Variants in MDGA2 observed in about 807,000 individuals in gnomAD.
The protein encoded by MDGA2 is MAM domain-containing glycosylphosphatidylinositol anchor protein 2.
Under a neutral mutation model 117.8 loss-of-function variants are expected in MDGA2, and 40 were observed. The ratio of observed to expected loss-of-function variants is 0.34; its 90% CI spans 0.26 to 0.44. The LOEUF (loss-of-function observed/expected upper bound fraction) is 0.44. MDGA2 is among the 20% of genes least tolerant of loss of function. The pLI, the probability that MDGA2 is intolerant of heterozygous loss-of-function variation, is 1.00. For missense variants in MDGA2, 1,123 were observed against 1,250.6 expected, an observed-to-expected ratio of 0.90 and a Z score of 1.54; for synonymous variants, 452 against 439.0, an observed-to-expected ratio of 1.03 and a Z score of -0.37.
chr14:47,120,092 C>CCTTTTCCCTGGT (rs1555355147), intron 5 of MDGA2, among the ~76,000 whole-genome samples: 3 of 152,172 alleles, frequency 2.0e-5, no homozygotes, highest in Non-Finnish European at 2.9e-5. Flanking sequence ...ACCGGGAAGA[C>CCTTTTCCCTGGT]TACAGATCCT....
At chr14:47,028,599 G>C (rs1428559840) in intron 8 of MDGA2, among the ~76,000 whole-genome samples, 2 of 152,122 alleles carry the variant, frequency 1.3e-5, no homozygotes, top group Non-Finnish European at 2.9e-5. Flanking sequence ...TATCAATAAA[G>C]ATCTTTCGTC....
chr14:47,132,063 A>G (rs1028651408), intron 4 of MDGA2, among the ~76,000 whole-genome samples: 3 of 152,014 alleles, frequency 2.0e-5, no homozygotes, highest in Non-Finnish European at 4.4e-5. Flanking sequence ...AATATTAAGT[A>G]TGCCTGGAGA....
intron 10 of MDGA2, among the ~76,000 whole-genome samples, chr14:46,912,507 C>T (rs960294978): frequency 6.6e-6 from 1 of 152,114 alleles, no homozygotes; most frequent in Non-Finnish European, 1.5e-5. Flanking sequence ...TTTATGCTCC[C>T]CTATCACTCC....
At chr14:47,591,551 A>G (rs959867176) in intron 1 of MDGA2, among the ~76,000 whole-genome samples, 2 of 152,152 alleles carry the variant, frequency 1.3e-5, no homozygotes, top group African/African-American at 4.8e-5. Context: ...TCCCCAATAA[A>G]GTACTGGCAA....
intron 2 of MDGA2, among the ~76,000 whole-genome samples, chr14:47,223,183 C>T (rs1162586489): frequency 1.3e-5 from 2 of 152,124 alleles, no homozygotes; most frequent in African/African-American, 2.4e-5. Flanking sequence ...TTACCTTCCC[C>T]TGGGTCCCTC....
chr14:47,189,048 T>G (rs753601939), intron 3 of MDGA2, among the ~76,000 whole-genome samples: 60 of 152,294 alleles, frequency 3.9e-4, no homozygotes, highest in Non-Finnish European at 7.6e-4. Flanking sequence ...GCTGTTGTTG[T>G]TGGTGACAGC....
In MDGA2 at chr14:46,934,201, A is replaced by G. The variant is rs140625412; in HGVS notation, c.2090-14041T>C. On this transcript the variant is annotated intron_variant, in intron 9 of 16. Coordinates refer to ENST00000399232, the MANE Select transcript of MDGA2 (RefSeq NM_001113498.3). ...ATCCTCTTGTTTGTCTATTATAGAG[A>G]TTTCCAAGGGGCCTTCATTCACCAC... Among the ~76,000 whole-genome samples the G allele has an allele frequency of 1.7e-3, 260 of 152,046 alleles. 1 individual carries two copies. The highest frequency in any genetic ancestry group is 5.9e-3 in the African/African-American group (244 of 41,496).
intron 6 of MDGA2, among the ~76,000 whole-genome samples, chr14:47,065,927 T>G (rs1214301828): frequency 1.3e-5 from 2 of 152,174 alleles, no homozygotes; most frequent in African/African-American, 4.8e-5. Flanking sequence ...AAAACCTTGT[T>G]GAGATCTGGA....
chr14:47,519,729 A>C (rs1254909229), intron 1 of MDGA2, among the ~76,000 whole-genome samples: 2 of 152,174 alleles, frequency 1.3e-5, no homozygotes, highest in Non-Finnish European at 2.9e-5. Flanking sequence ...AAAAAAAATT[A>C]TGAGTTTACA....
At chr14:47,404,755 A>G (rs1483579676) in intron 1 of MDGA2, among the ~76,000 whole-genome samples, 1 of 152,148 alleles carries the variant, frequency 6.6e-6, no homozygotes, top group African/African-American at 2.4e-5. Context: ...TGGCCTCCCA[A>G]ACTGCTGGGA....
chr14:46,858,428 C>CTTTTTTTTTTTTTTTTTTTTTT (rs71112466), intron 14 of MDGA2, among the ~76,000 whole-genome samples: 1 of 123,834 alleles, frequency 8.1e-6, no homozygotes, highest in Non-Finnish European at 1.6e-5. Flanking sequence ...TTCTTTTTTT[C>CTTTTTTTTTTTTTTTTTTTTTT]TTTTTTTTTT....
chr14:47,245,249 G>A (rs56116203), intron 2 of MDGA2, among the ~76,000 whole-genome samples: 42,525 of 151,526 alleles, frequency 0.28, 7,347 homozygotes, highest in Admixed American at 0.47. Context: ...GGCTGGTCTC[G>A]AACTCCTGAG....
chr14:47,242,501 C>T (rs946505143), intron 2 of MDGA2, among the ~76,000 whole-genome samples: 3 of 151,838 alleles, frequency 2.0e-5, no homozygotes, highest in Non-Finnish European at 4.4e-5. Context: ...GCTGGAGTTC[C>T]GGGTGGGCGT....
At chr14:47,581,755 G>T (rs58970225) in intron 1 of MDGA2, among the ~76,000 whole-genome samples, 5 of 151,856 alleles carry the variant, frequency 3.3e-5, no homozygotes, top group Non-Finnish European at 5.9e-5. Context: ...AAACACAGGC[G>T]CAACAACCTG....
intron 3 of MDGA2, among the ~76,000 whole-genome samples, chr14:47,155,994 C>T (rs1684724855): frequency 7.2e-6 from 1 of 138,558 alleles, no homozygotes; most frequent in Non-Finnish European, 1.5e-5. Context: ...ACTGCAACCT[C>T]CGCCTCCCAG....
At chr14:47,331,906 CAAATA>C (rs1890303996) in intron 1 of MDGA2, among the ~76,000 whole-genome samples, 1 of 151,852 alleles carries the variant, frequency 6.6e-6, no homozygotes, top group Non-Finnish European at 1.5e-5. Flanking sequence ...AAAAGGAAAT[CAAATA>C]AAACAACTCT....
chr14:47,606,137 CTAAAT>C (rs1408075426), intron 1 of MDGA2, among the ~76,000 whole-genome samples: 2 of 152,188 alleles, frequency 1.3e-5, no homozygotes, highest in African/African-American at 2.4e-5. Flanking sequence ...TTCCCTCCAA[CTAAAT>C]TAATAGTTTA....
At chr14:47,003,077 T>G (rs528112405) in intron 8 of MDGA2, among the ~76,000 whole-genome samples, 1 of 152,212 alleles carries the variant, frequency 6.6e-6, no homozygotes, top group East Asian at 1.9e-4. Flanking sequence ...TTTTCTAGAA[T>G]TAATGCAACT....
intron 1 of MDGA2, among the ~76,000 whole-genome samples, chr14:47,424,952 T>C (rs899238053): frequency 6.6e-6 from 1 of 152,066 alleles, no homozygotes; most frequent in Non-Finnish European, 1.5e-5. Flanking sequence ...GAAGGCAATC[T>C]GAAGTGTGGA....
Sources: gnomAD v4.1 joint callset for allele counts (sites outside exome capture counted in the v4.1 genomes callset) on GRCh38, gnomAD v4.1.1 for gene constraint, MANE v1.5 for transcripts, NCBI Gene and HGNC (gene_info 2026-07-23, HGNC 2026-07-21) for gene names.